Variants in TTLL11 observed in about 807,000 individuals in gnomAD.
TTLL11 encodes the protein tubulin polyglutamylase TTLL11.
Under a neutral mutation model 51.7 loss-of-function variants are expected in TTLL11, and 42 were observed. The observed-to-expected ratio is 0.81, with a 90% CI of 0.64 to 1.05. The LOEUF (loss-of-function observed/expected upper bound fraction) is 1.05, where lower values mean the gene tolerates loss of function less well. Among genes scored for constraint, TTLL11 ranks in the 50% least tolerant of loss-of-function variants. The pLI is 0.00. For synonymous variants in TTLL11, 381 were observed against 383.5 expected (o/e 0.99, Z 0.08); for missense variants, 799 against 940.4 (o/e 0.85, Z 1.97).
intron 6 of TTLL11, among the ~76,000 whole-genome samples, chr9:121,921,843 C>T (rs920374179): frequency 2.0e-5 from 3 of 152,174 alleles, no homozygotes; most frequent in Admixed American, 6.5e-5. Context: ...TGTTCACAGC[C>T]GCCTCCTCAG....
At chr9:122,064,386 C>T (rs1318935965) in intron 1 of TTLL11, among the ~76,000 whole-genome samples, 2 of 152,238 alleles carry the variant, frequency 1.3e-5, no homozygotes, top group Non-Finnish European at 2.9e-5. Context: ...CAAAGACCCT[C>T]AAAGCCTTGA....
chr9:121,956,234 G>C (rs976285770), intron 6 of TTLL11, among the ~76,000 whole-genome samples: 7 of 151,476 alleles, frequency 4.6e-5, no homozygotes, highest in African/African-American at 1.7e-4. Flanking sequence ...AAAACCAGCT[G>C]GAAGAGCATG....
intron 6 of TTLL11, among the ~76,000 whole-genome samples, chr9:121,919,332 C>A (rs901688352): frequency 6.6e-6 from 1 of 152,006 alleles, no homozygotes; most frequent in African/African-American, 2.4e-5. Context: ...GAAACACATA[C>A]ATGCTGTTTA....
chr9:122,016,637 A>G (rs1843992105), intron 3 of TTLL11, among the ~76,000 whole-genome samples: 1 of 152,198 alleles, frequency 6.6e-6, no homozygotes, highest in Non-Finnish European at 1.5e-5. Flanking sequence ...CACTTCATTC[A>G]GCCTTGAGGA....
At chr9:121,868,050 G>A (rs1331496282) in intron 7 of TTLL11, among the ~76,000 whole-genome samples, 1 of 152,162 alleles carries the variant, frequency 6.6e-6, no homozygotes, top group African/African-American at 2.4e-5. Flanking sequence ...ATTCCTTCAT[G>A]TTCTCTGATC....
chr9:122,023,861 GATGAA>G (rs1844253551), intron 3 of TTLL11, among the ~76,000 whole-genome samples: 1 of 152,062 alleles, frequency 6.6e-6, no homozygotes, highest in East Asian at 1.9e-4. Flanking sequence ...AATACTTAAT[GATGAA>G]AGACGAAATC....
At chr9:121,864,754 C>T (rs1838130563) in intron 7 of TTLL11, among the ~76,000 whole-genome samples, 1 of 152,148 alleles carries the variant, frequency 6.6e-6, no homozygotes, top group Admixed American at 6.5e-5. Flanking sequence ...AATTTGGGCA[C>T]ATAGGATGGG....
intron 6 of TTLL11, among the ~76,000 whole-genome samples, chr9:121,878,829 G>A (rs548749777): frequency 2.8e-4 from 43 of 152,272 alleles, no homozygotes; most frequent in Non-Finnish European, 5.4e-4. Context: ...CCTGCAGCAC[G>A]GTCAGAGGCA....
At chr9:121,993,649 T>C (rs898409285) in intron 3 of TTLL11, among the ~76,000 whole-genome samples, 1 of 152,232 alleles carries the variant, frequency 6.6e-6, no homozygotes, top group African/African-American at 2.4e-5. Flanking sequence ...TGGGATGATC[T>C]ATAAGAGGAG....
At chr9:121,869,818 T>C (rs1269701895) in intron 7 of TTLL11, among the ~76,000 whole-genome samples, 1 of 152,186 alleles carries the variant, frequency 6.6e-6, no homozygotes, top group East Asian at 1.9e-4. Flanking sequence ...GCCTTAGGGT[T>C]ACTTGCCCTA....
intron 1 of TTLL11, chr9:122,040,539 G>A (rs1329719518): frequency 4.8e-6 from 2 of 415,576 alleles, no homozygotes; most frequent in Non-Finnish European, 3.2e-6. Flanking sequence ...CTTGTTAAAA[G>A]TGCACACAAA....
At chr9:122,001,460 T>G (rs1843464742) in intron 3 of TTLL11, among the ~76,000 whole-genome samples, 1 of 135,784 alleles carries the variant, frequency 7.4e-6, no homozygotes, top group Non-Finnish European at 1.5e-5. Context: ...CAAAGCCAGG[T>G]GACCTGCAGA....
At chr9:122,059,897 C>T (rs7047145) in intron 1 of TTLL11, among the ~76,000 whole-genome samples, 50,217 of 152,000 alleles carry the variant, frequency 0.33, 9,294 homozygotes, top group African/African-American at 0.48. Context: ...TTATTTTCCT[C>T]CTAGCTGTCA....
chr9:122,008,969 C>G (rs1818250822), intron 3 of TTLL11, among the ~76,000 whole-genome samples: 1 of 152,170 alleles, frequency 6.6e-6, no homozygotes. Flanking sequence ...TCTCACTTAT[C>G]TGTGGAATCT....
chr9:121,830,165 C>G (rs1209202598), intron 8 of TTLL11, among the ~76,000 whole-genome samples: 1 of 152,224 alleles, frequency 6.6e-6, no homozygotes, highest in African/African-American at 2.4e-5. Context: ...GCTGAGGACA[C>G]TGAGGTAAGC....
chr9:122,012,516 C>T (rs1437322122), intron 3 of TTLL11, among the ~76,000 whole-genome samples: 2 of 151,516 alleles, frequency 1.3e-5, no homozygotes, highest in African/African-American at 2.4e-5. Context: ...TAAATCAGTA[C>T]GGCAAGGTAG....
At chr9:122,038,671 T>C (rs754193051) in intron 2 of TTLL11, among the ~76,000 whole-genome samples, 2 of 152,092 alleles carry the variant, frequency 1.3e-5, no homozygotes, top group Non-Finnish European at 2.9e-5. Context: ...GAGATTAAAA[T>C]GCAAAACAAA....
intron 6 of TTLL11, among the ~76,000 whole-genome samples, chr9:121,872,267 C>T (rs1372170238): frequency 6.6e-6 from 1 of 152,206 alleles, no homozygotes; most frequent in African/African-American, 2.4e-5. Flanking sequence ...GCTGAGATGG[C>T]TTCTTGACCA....
At chr9:122,009,173 A>G (rs1156261645) in intron 3 of TTLL11, among the ~76,000 whole-genome samples, 1 of 152,234 alleles carries the variant, frequency 6.6e-6, no homozygotes, top group Admixed American at 6.5e-5. Flanking sequence ...CTAAGAGAGT[A>G]GATATTAAGT....
Sources: allele counts gnomAD v4.1 joint callset (sites outside exome capture counted in the v4.1 genomes callset), GRCh38; gene constraint gnomAD v4.1.1; transcripts MANE v1.5; gene names NCBI Gene and HGNC (gene_info 2026-07-23, HGNC 2026-07-21).